Variants in DEFB119 observed in about 807,000 individuals in gnomAD.
DEFB119 encodes the protein defensin beta 119, also known as beta-defensin 119.
DEFB119 carries 3 observed loss-of-function variants against 2.5 expected under a neutral mutation model. The ratio of observed to expected loss-of-function variants is 1.19; its 90% CI spans 0.54 to 3.07. DEFB119 has a LOEUF of 3.07. Ranked by LOEUF, DEFB119 falls within the 30% of genes most tolerant of loss-of-function variation. DEFB119 has a pLI of 0.03. For missense variants in DEFB119, 113 were observed against 101.1 expected, an observed-to-expected ratio of 1.12 and a Z score of -0.50; for synonymous variants, 29 against 33.7, an observed-to-expected ratio of 0.86 and a Z score of 0.48.
intron 1 of DEFB119, among the ~76,000 whole-genome samples, chr20:31,380,189 C>G (rs142058323): frequency 2.1e-3 from 322 of 152,254 alleles, no homozygotes; most frequent in African/African-American, 7.0e-3. Flanking sequence ...ACCAAACACA[C>G]GGTCTGAATG....
intron 1 of DEFB119, chr20:31,388,854 CG>C: frequency 8.4e-7 from 1 of 1,192,306 alleles, no homozygotes; most frequent in Non-Finnish European, 1.2e-6. Flanking sequence ...ATCACACCAT[CG>C]CTATGACCCA....
chr20:31,378,048 A>G (rs1300985344), intron 1 of DEFB119, among the ~76,000 whole-genome samples: 2 of 152,134 alleles, frequency 1.3e-5, no homozygotes, highest in Non-Finnish European at 2.9e-5. Flanking sequence ...CCAAGTGGGG[A>G]GCGGGGACTA....
intron 1 of DEFB119, among the ~76,000 whole-genome samples, chr20:31,385,374 CAAAAAA>C (rs539118665): frequency 2.6e-5 from 3 of 115,804 alleles, no homozygotes; most frequent in Admixed American, 9.4e-5. Flanking sequence ...TAACAAAAGA[CAAAAAA>C]AAAAAAAAAA....
chr20:31,386,810 C>CTTTTTCT (rs1371861470), intron 1 of DEFB119, among the ~76,000 whole-genome samples: 59 of 108,900 alleles, frequency 5.4e-4, no homozygotes, highest in African/African-American at 2.3e-3. Context: ...TTTTCTTTTT[C>CTTTTTCT]TTTTTTTTTT....
chr20:31,387,040 G>A (rs1264760986), intron 1 of DEFB119, among the ~76,000 whole-genome samples: 1 of 151,938 alleles, frequency 6.6e-6, no homozygotes, highest in Non-Finnish European at 1.5e-5. Flanking sequence ...TACTGACCTC[G>A]TGGTGATCCA....
intron 1 of DEFB119, among the ~76,000 whole-genome samples, chr20:31,385,529 G>A (rs1369138925): frequency 6.6e-6 from 1 of 152,118 alleles, no homozygotes; most frequent in Non-Finnish European, 1.5e-5. Flanking sequence ...CACATAGCAA[G>A]GGTCAATGAG....
intron 1 of DEFB119, chr20:31,389,045 T>C (rs1365277539): frequency 3.1e-6 from 5 of 1,614,078 alleles, no homozygotes; most frequent in Admixed American, 3.3e-5. Context: ...GTTATATTTG[T>C]CTTCATTTTT....
Position 31,390,488 on chromosome 20 carries a change from G to A in DEFB119, c.-5C>T. ...AAACAGGTAAAGAAGTTTCATGGCTGGCAGACCTGAGAGGAGGAGGTGGCT... is the reference window on the plus strand; with the variant it reads ...AAACAGGTAAAGAAGTTTCATGGCTAGCAGACCTGAGAGGAGGAGGTGGCT... On this transcript the variant is annotated 5_prime_UTR_variant, in exon 1 of 2. Transcript: ENST00000376321. The A allele has an allele frequency of 2.5e-6, 4 of 1,613,138 alleles. No individual in the cohort carries two copies. The highest frequency in any genetic ancestry group is 4.5e-5 in the East Asian group (2 of 44,830).
In DEFB119 at chr20:31,377,283, T is replaced by C; in HGVS notation, c.218A>G (p.Asp73Gly). ...TGGCCACTGCTTCTCATAAGACCAG[T>C]CGGTATTTTCCTCTTTGCCAGAAAT... Reference protein sequence around the residue: ...ISISGKEENTDWSYEKQWPRL... With the variant: ...ISISGKEENTGWSYEKQWPRL... Residue 73 changes from aspartate (D) to glycine (G), a missense_variant, in exon 2 of 2, where the codon GAC (aspartate) becomes GGC (glycine). Coordinates refer to ENST00000376321, the MANE Select transcript of DEFB119 (RefSeq NM_153289.4). 1 of 1,613,928 alleles carries C rather than the reference T, an allele frequency of 6.2e-7. No individual in the cohort carries two copies. The highest frequency in any genetic ancestry group is 8.5e-7 in the Non-Finnish European group (1 of 1,179,914).
At chr20:31,383,520 C>T (rs144429330) in intron 1 of DEFB119, among the ~76,000 whole-genome samples, 2,876 of 108,986 alleles carry the variant, frequency 0.026, 44 homozygotes, top group Middle Eastern at 0.066. Flanking sequence ...GGCAACAGAA[C>T]AAGACTCTGT....
At chr20:31,386,882 C>T (rs1255983670) in intron 1 of DEFB119, among the ~76,000 whole-genome samples, 2 of 135,256 alleles carry the variant, frequency 1.5e-5, no homozygotes, top group Non-Finnish European at 1.5e-5. Context: ...GGCGGGATCT[C>T]GGCTCACTGC....
At chr20:31,388,920 C>T (rs1986813973) in intron 1 of DEFB119, 65 of 1,524,310 alleles carry the variant, frequency 4.3e-5, no homozygotes, top group Non-Finnish European at 5.7e-5. Context: ...TCCCCCCACC[C>T]TCAATCCATT....
chr20:31,382,212 C>A (rs1986529347), intron 1 of DEFB119, among the ~76,000 whole-genome samples: 1 of 152,168 alleles, frequency 6.6e-6, no homozygotes, highest in Admixed American at 6.5e-5. Context: ...TCTCTTGTAA[C>A]TTCCTGTGAA....
At chr20:31,378,821 T>C (rs1307570790) in intron 1 of DEFB119, among the ~76,000 whole-genome samples, 1 of 152,122 alleles carries the variant, frequency 6.6e-6, no homozygotes, top group Non-Finnish European at 1.5e-5. Flanking sequence ...AAATTTTCAA[T>C]AAAATGACAG....
intron 1 of DEFB119, among the ~76,000 whole-genome samples, chr20:31,382,655 A>T (rs1362885453): frequency 6.6e-6 from 1 of 152,212 alleles, no homozygotes; most frequent in Non-Finnish European, 1.5e-5. Flanking sequence ...TTCTCCACCC[A>T]GATTCCTGGA....
intron 1 of DEFB119, among the ~76,000 whole-genome samples, chr20:31,379,945 G>A (rs1309106250): frequency 6.6e-6 from 1 of 152,148 alleles, no homozygotes; most frequent in African/African-American, 2.4e-5. Context: ...GATTACAGGC[G>A]TGAGCCACCA....
At chr20:31,387,975 G>A (rs746744528) in intron 1 of DEFB119, 49 of 787,052 alleles carry the variant, frequency 6.2e-5, no homozygotes, top group South Asian at 1.2e-4. Flanking sequence ...AACTCCTTCT[G>A]TCTGTCTCTA....
chr20:31,380,497 C>T (rs1986468241), intron 1 of DEFB119, among the ~76,000 whole-genome samples: 1 of 152,036 alleles, frequency 6.6e-6, no homozygotes, highest in African/African-American at 2.4e-5. Flanking sequence ...AATTCCTGGG[C>T]TCAAGTGATC....
At chr20:31,383,602 G>A (rs780587077) in intron 1 of DEFB119, among the ~76,000 whole-genome samples, 13 of 149,564 alleles carry the variant, frequency 8.7e-5, no homozygotes, top group Non-Finnish European at 1.2e-4. Flanking sequence ...TTGGGAGGCC[G>A]AGGCGGGCAG....
Sources: allele counts gnomAD v4.1 joint callset (sites outside exome capture counted in the v4.1 genomes callset), GRCh38; gene constraint gnomAD v4.1.1; transcripts MANE v1.5; gene names NCBI Gene and HGNC (gene_info 2026-07-23, HGNC 2026-07-21).